Variants in GPR176 observed in about 807,000 individuals in gnomAD.
GPR176 encodes G protein-coupled receptor 176.
GPR176 carries 26 observed loss-of-function variants against 35.4 expected under a neutral mutation model. The ratio of observed to expected loss-of-function variants is 0.74; its 90% CI spans 0.54 to 1.02. The LOEUF (loss-of-function observed/expected upper bound fraction) is 1.02. Ranked by LOEUF, GPR176 falls within the 50% of genes least tolerant of loss-of-function variation. The pLI is 0.00. For missense variants in GPR176, 597 were observed against 665.3 expected (o/e 0.90, Z 1.13); for synonymous variants, 278 against 271.3 (o/e 1.02, Z -0.24).
intron 1 of GPR176, among the ~76,000 whole-genome samples, chr15:39,813,964 T>A (rs1326955693): frequency 6.6e-6 from 1 of 152,170 alleles, no homozygotes; most frequent in Non-Finnish European, 1.5e-5. Context: ...CAAAGGACTC[T>A]CCACAAATGG....
intron 1 of GPR176, among the ~76,000 whole-genome samples, chr15:39,831,356 T>C (rs1286867517): frequency 1.3e-5 from 2 of 152,202 alleles, no homozygotes; most frequent in South Asian, 2.1e-4. Context: ...TAAATTGACC[T>C]GGTATTGATG....
intron 1 of GPR176, among the ~76,000 whole-genome samples, chr15:39,915,846 C>T (rs1318050250): frequency 3.9e-5 from 6 of 152,092 alleles, no homozygotes; most frequent in East Asian, 1.9e-4. Context: ...TGCCACTGCA[C>T]GCCAGCCTGA....
chr15:39,857,738 G>T (rs1349150308), intron 1 of GPR176, among the ~76,000 whole-genome samples: 1 of 152,048 alleles, frequency 6.6e-6, no homozygotes, highest in South Asian at 2.1e-4. Flanking sequence ...GAAGGCCAAG[G>T]CGGGCGGATC....
intron 1 of GPR176, among the ~76,000 whole-genome samples, chr15:39,884,930 T>C (rs1275437979): frequency 1.3e-5 from 2 of 152,194 alleles, no homozygotes; most frequent in Non-Finnish European, 2.9e-5. Context: ...AATAAAAGCA[T>C]GGATACTGAG....
chr15:39,801,883 G>A lies in GPR176; in HGVS notation c.797C>T (p.Ala266Val). The change falls in exon 3 of 3, where the codon GCC becomes GTC. Residue 266 changes from alanine (A) to valine (V), a missense_variant. Ala to Val is a moderately conservative substitution (Grantham distance 64). Transcript: ENST00000561100. The stretch of plus-strand genomic sequence containing the variant: ...GACCATCACCATGGAGAGCAGGGTG[G>A]CGTGCAGCTCGGCCTCCCGCTGGGA... ...YASQREAELH[A>V]TLLSMVMVFI... The A allele has an allele frequency of 6.2e-7, 1 of 1,614,062 alleles. No individual in the cohort carries two copies. Among genetic ancestry groups the A allele is most frequent in the Non-Finnish European group, 8.5e-7 (1 of 1,179,980 alleles).
intron 1 of GPR176, among the ~76,000 whole-genome samples, chr15:39,829,789 C>T (rs1416465058): frequency 3.3e-5 from 5 of 152,098 alleles, no homozygotes; most frequent in African/African-American, 9.7e-5. Context: ...ACAGGACAGC[C>T]TCTGCCTCTG....
intron 1 of GPR176, among the ~76,000 whole-genome samples, chr15:39,818,835 A>G (rs1900083113): frequency 1.3e-5 from 2 of 152,250 alleles, no homozygotes; most frequent in Non-Finnish European, 1.5e-5. Flanking sequence ...ATCTGAATTG[A>G]TAACTCTCCT....
At chr15:39,814,001 T>G (rs185093691) in intron 1 of GPR176, among the ~76,000 whole-genome samples, 296 of 152,336 alleles carry the variant, frequency 1.9e-3, no homozygotes, top group Admixed American at 3.9e-3. Flanking sequence ...TGTCCCCAAA[T>G]GCTCACTAAA....
At chr15:39,874,486 T>C (rs930350263) in intron 1 of GPR176, among the ~76,000 whole-genome samples, 1 of 152,228 alleles carries the variant, frequency 6.6e-6, no homozygotes, top group African/African-American at 2.4e-5. Flanking sequence ...GTCACATTTC[T>C]TTCATCTTGC....
chr15:39,874,238 C>A (rs977374741), intron 1 of GPR176, among the ~76,000 whole-genome samples: 1 of 152,124 alleles, frequency 6.6e-6, no homozygotes, highest in Non-Finnish European at 1.5e-5. Flanking sequence ...GTAAGTAACT[C>A]CCCTCAATAG....
intron 1 of GPR176, among the ~76,000 whole-genome samples, chr15:39,913,606 G>A (rs2033636827): frequency 6.6e-6 from 1 of 152,012 alleles, no homozygotes; most frequent in Non-Finnish European, 1.5e-5. Flanking sequence ...TGATTGCCTA[G>A]GGCTCAAGGT....
intron 1 of GPR176, among the ~76,000 whole-genome samples, chr15:39,899,398 G>A (rs369419009): frequency 6.6e-6 from 1 of 152,276 alleles, no homozygotes; most frequent in East Asian, 1.9e-4. Flanking sequence ...AGTAAAGGGA[G>A]CCACTCCTGT....
At chr15:39,807,388 C>A in intron 1 of GPR176, 130 bp from the exon 2 acceptor site, 2 of 714,570 alleles carry the variant, frequency 2.8e-6, no homozygotes, top group Non-Finnish European at 4.2e-6. Context: ...AATGTAAATC[C>A]TAATATTAAA....
chr15:39,824,054 C>T (rs1020681537), intron 1 of GPR176, among the ~76,000 whole-genome samples: 4 of 151,714 alleles, frequency 2.6e-5, no homozygotes, highest in African/African-American at 4.8e-5. Flanking sequence ...CCGGTGCCAT[C>T]CCCATGGTAA....
intron 2 of GPR176, among the ~76,000 whole-genome samples, chr15:39,803,551 G>C (rs926912785): frequency 6.6e-6 from 1 of 152,092 alleles, no homozygotes; most frequent in African/African-American, 2.4e-5. Context: ...AAAGTGGTTG[G>C]ATTACAGACG....
At chr15:39,811,794 T>C (rs759672239) in intron 1 of GPR176, among the ~76,000 whole-genome samples, 3 of 152,030 alleles carry the variant, frequency 2.0e-5, no homozygotes, top group Admixed American at 6.6e-5. Context: ...TGGGTGCCTG[T>C]AGTCCCAGCT....
rs903790146 is a variant in GPR176 at position 39,806,075 on chromosome 15, G to T, written c.425+931C>A. 2.3e-4 allele frequency among the ~76,000 whole-genome samples: 35 copies of T among 152,300 alleles called. No individual in the cohort carries two copies. The East Asian group carries it at 3.3e-3, about 14-fold the overall frequency. On this transcript the variant is annotated intron_variant, in intron 2 of 2. Coordinates refer to ENST00000561100, the MANE Select transcript of GPR176 (RefSeq NM_007223.3). ...CCTGAGAGGCTGAAATGACTCTATA[G>T]ATGGGTTCTACAATCAATACCCTCA...
Position 39,872,422 on chromosome 15 carries a change from T to C in GPR176, c.172+47433A>G, listed in dbSNP as rs944964014. The stretch of plus-strand genomic sequence containing the variant: ...CAGCAGGACATGAGGCTGGACACAA[T>C]AGGACATCCCTTGCAGGATGAGACC... On this transcript the variant is annotated intron_variant, in intron 1 of 2. Transcript: ENST00000561100. 5.3e-5 allele frequency among the ~76,000 whole-genome samples: 8 copies of C among 152,076 alleles called. No homozygotes were observed. The South Asian group carries it at 6.2e-4, about 12-fold the overall frequency.
intron 1 of GPR176, among the ~76,000 whole-genome samples, chr15:39,888,700 T>C (rs1374051422): frequency 6.6e-6 from 1 of 152,216 alleles, no homozygotes; most frequent in Admixed American, 6.5e-5. Context: ...AAATCATCTT[T>C]CTCTCCAGAG....
Sources: gnomAD v4.1 joint callset for allele counts (sites outside exome capture counted in the v4.1 genomes callset) on GRCh38, gnomAD v4.1.1 for gene constraint, MANE v1.5 for transcripts, NCBI Gene and HGNC (gene_info 2026-07-23, HGNC 2026-07-21) for gene names.